The following SLC26A5 variants were observed in gnomAD, a reference collection of about 807,000 sequenced individuals.
The protein encoded by SLC26A5 is prestin.
A neutral mutation model predicts 81.0 loss-of-function variants in SLC26A5; 51 were observed. That is an observed-to-expected ratio of 0.63 (90% CI 0.50 to 0.80). SLC26A5 has a LOEUF of 0.80. Ranked by LOEUF, SLC26A5 falls within the 30% of genes least tolerant of loss-of-function variation. The pLI is 0.00. For synonymous variants in SLC26A5, 325 were observed against 332.8 expected (o/e 0.98, Z 0.25); for missense variants, 771 against 905.8 (o/e 0.85, Z 1.91).
At chr7:103,356,154 A>AT (rs533626972) in intron 19 of SLC26A5, among the ~76,000 whole-genome samples, 73 of 143,414 alleles carry the variant, frequency 5.1e-4, no homozygotes, top group South Asian at 2.0e-3. Context: ...ACATATCCTG[A>AT]TTTTTTTTTT....
At chr7:103,439,900 C>T (rs1215123388) in intron 2 of SLC26A5, among the ~76,000 whole-genome samples, 1 of 152,166 alleles carries the variant, frequency 6.6e-6, no homozygotes, top group Non-Finnish European at 1.5e-5. Flanking sequence ...GGCCAGGATG[C>T]TCTACTCCCA....
rs1826481654 is a variant in SLC26A5 at position 103,436,757 on chromosome 7, T to C, written c.-54+6326A>G. ...GCTATCCACATGCAGAAGAGTGAAA[T>C]TGGATCCTTTTCTCATACTATATGC... On this transcript the variant is annotated intron_variant, in intron 2 of 19. Transcript: ENST00000306312. Among the ~76,000 whole-genome samples the C allele has an allele frequency of 2.0e-5, 3 of 152,132 alleles. No homozygotes were observed. The South Asian group carries it at 6.2e-4, about 32-fold the overall frequency.
chr7:103,354,818 T>C, intron 19 of SLC26A5: 1 of 1,192,930 alleles, frequency 8.4e-7, no homozygotes. Flanking sequence ...GTAGTTTTAA[T>C]AAATGGTTGA....
Position 103,435,337 on chromosome 7 carries a change from T to C in SLC26A5, c.-54+7746A>G, listed in dbSNP as rs144840285. 4.0e-3 allele frequency among the ~76,000 whole-genome samples: 602 copies of C among 152,330 alleles called. 3 individuals are homozygous for C. Among genetic ancestry groups the C allele is most frequent in the Middle Eastern group, 0.014 (4 of 294 alleles). On this transcript the variant is annotated intron_variant, in intron 2 of 19. Coordinates refer to ENST00000306312, the MANE Select transcript of SLC26A5 (RefSeq NM_198999.3). The stretch of plus-strand genomic sequence containing the variant: ...TCTTGATGTTTCTTTTTCATGCTTC[T>C]TCATATGTCAGGTTATTCTTGGTTA...
intron 4 of SLC26A5, among the ~76,000 whole-genome samples, chr7:103,419,399 T>G (rs1295717685): frequency 1.3e-5 from 2 of 152,192 alleles, no homozygotes; most frequent in Non-Finnish European, 2.9e-5. Flanking sequence ...GGAACACTGC[T>G]TTTCCATTCA....
intron 1 of SLC26A5, 39 bp from the exon 2 acceptor site, chr7:103,443,250 T>G (rs998684809): frequency 6.6e-6 from 1 of 152,252 alleles, no homozygotes; most frequent in African/African-American, 2.4e-5. Context: ...ATTCAGCAGT[T>G]GTTGGTTTGT....
chr7:103,431,903 C>T (rs1859783), intron 2 of SLC26A5, among the ~76,000 whole-genome samples: 11,440 of 151,558 alleles, frequency 0.075, 1,450 homozygotes, highest in African/African-American at 0.26. Flanking sequence ...ACATTATTCA[C>T]GAATGCTTAC....
intron 4 of SLC26A5, among the ~76,000 whole-genome samples, chr7:103,416,784 C>T (rs1824944720): frequency 6.6e-6 from 1 of 152,056 alleles, no homozygotes; most frequent in Non-Finnish European, 1.5e-5. Flanking sequence ...TATACCATTT[C>T]CCCCTCTTTT....
At position 103,407,977 on chromosome 7, in the gene SLC26A5, A is replaced by C; in HGVS notation, c.762T>G (p.Val254=). ...CTAGGGAACACACGTTGAGGTTTTTAACATTCTGCAACACAGCAACTGTAC... is the reference window on the plus strand; with the variant it reads ...CTAGGGAACACACGTTGAGGTTTTTCACATTCTGCAACACAGCAACTGTAC... ...VYSTVAVLQN[V]KNLNVCSLGV... Residue 254 remains valine, a synonymous_variant, in exon 8 of 20, where the codon GTT becomes GTG. Coordinates refer to ENST00000306312, the MANE Select transcript of SLC26A5 (RefSeq NM_198999.3). 9 of 1,614,180 alleles carry C rather than the reference A, an allele frequency of 5.6e-6. No homozygotes were observed. Among genetic ancestry groups the C allele is most frequent in the Non-Finnish European group, 5.1e-6 (6 of 1,180,026 alleles).
At chr7:103,361,294 A>C (rs937664961) in intron 19 of SLC26A5, among the ~76,000 whole-genome samples, 1 of 151,046 alleles carries the variant, frequency 6.6e-6, no homozygotes, top group African/African-American at 2.4e-5. Flanking sequence ...GACCAGCCTG[A>C]CTAGCCTGAG....
At chr7:103,385,615 A>C in intron 14 of SLC26A5, among the ~76,000 whole-genome samples, 1 of 152,164 alleles carries the variant, frequency 6.6e-6, no homozygotes, top group South Asian at 2.1e-4. Flanking sequence ...TCACCAACAA[A>C]GGATAGAACA....
At chr7:103,378,398 A>T (rs758075479) in intron 17 of SLC26A5, 48 bp downstream of exon 17, 2 of 1,546,816 alleles carry the variant, frequency 1.3e-6, no homozygotes, top group Non-Finnish European at 8.9e-7. Flanking sequence ...GATGGAGGGC[A>T]TTGCAGAACA....
intron 8 of SLC26A5, among the ~76,000 whole-genome samples, chr7:103,404,116 G>C (rs1200366921): frequency 6.6e-6 from 1 of 152,092 alleles, no homozygotes. Context: ...CCGGGAAGCG[G>C]AAGTTGCAGT....
chr7:103,421,290 C>T, intron 3 of SLC26A5, 73 bp downstream of exon 3: 1 of 1,526,192 alleles, frequency 6.6e-7, no homozygotes, highest in South Asian at 1.1e-5. Flanking sequence ...AACAGATTTT[C>T]TTTACACATT....
At chr7:103,386,065 T>TTACA (rs1305053846) in intron 14 of SLC26A5, among the ~76,000 whole-genome samples, 1 of 151,656 alleles carries the variant, frequency 6.6e-6, no homozygotes, top group Non-Finnish European at 1.5e-5. Context: ...GTAGCTGGGA[T>TTACA]TACAGGTGTG....
intron 6 of SLC26A5, 113 bp downstream of exon 6, chr7:103,411,307 G>C: frequency 8.1e-7 from 1 of 1,239,954 alleles, no homozygotes; most frequent in Non-Finnish European, 1.1e-6. Flanking sequence ...CAGAGCTCTG[G>C]GGTTTTTCTG....
chr7:103,413,047 C>A lies in SLC26A5; in HGVS notation c.358G>T (p.Val120Phe). Residue 120 changes from valine (V) to phenylalanine (F), a missense_variant, in exon 5 of 20, where the codon GTT (valine) becomes TTT (phenylalanine). Coordinates refer to ENST00000306312, the MANE Select transcript of SLC26A5 (RefSeq NM_198999.3). ...IFGLYSSFYP[V>F]IMYCFLGTSR... ...GTTCCAAGAAAACAATACATGATAA[C>A]AGGGTAAAATGAAGAGTACAGGCCA... 1.9e-6 allele frequency: 3 copies of A among 1,613,846 alleles called. No homozygotes were observed. The highest frequency in any genetic ancestry group is 1.7e-4 in the Middle Eastern group (1 of 6,060).
At chr7:103,392,777 C>G in intron 10 of SLC26A5, 142 bp downstream of exon 10, 2 of 1,016,098 alleles carry the variant, frequency 2.0e-6, no homozygotes, top group Non-Finnish European at 2.9e-6. Context: ...TGGGGTTTCA[C>G]CATGTTAGCC....
chr7:103,385,674 T>C (rs1193930173), intron 14 of SLC26A5, among the ~76,000 whole-genome samples: 1 of 151,380 alleles, frequency 6.6e-6, no homozygotes. Context: ...GAAAGAGAAG[T>C]AGAGCTTTTA....
Sources: gnomAD v4.1 joint callset for allele counts (sites outside exome capture counted in the v4.1 genomes callset) on GRCh38, gnomAD v4.1.1 for gene constraint, MANE v1.5 for transcripts, NCBI Gene and HGNC (gene_info 2026-07-23, HGNC 2026-07-21) for gene names.